Variants in KLF13 observed in about 807,000 individuals in gnomAD.
The protein encoded by KLF13 is Krueppel-like factor 13.
In KLF13, 8 loss-of-function variants were observed where a neutral mutation model predicts 16.7. The observed-to-expected ratio is 0.48, with a 90% CI of 0.28 to 0.87. The LOEUF is 0.87. Among genes scored for constraint, KLF13 ranks in the 40% least tolerant of loss-of-function variants. The pLI, the probability that KLF13 is intolerant of heterozygous loss-of-function variation, is 0.10. For missense variants in KLF13, 447 were observed against 452.2 expected (o/e 0.99, Z 0.10); for synonymous variants, 245 against 208.4 (o/e 1.18, Z -1.51).
chr15:31,331,683 C>T (rs1220723492), intron 1 of KLF13, among the ~76,000 whole-genome samples: 1 of 152,182 alleles, frequency 6.6e-6, no homozygotes, highest in Non-Finnish European at 1.5e-5. Context: ...CCCTCTCGTA[C>T]CCTCGCTGTC....
chr15:31,338,697 G>GTC (rs1241178803), intron 1 of KLF13, among the ~76,000 whole-genome samples: 3 of 152,156 alleles, frequency 2.0e-5, no homozygotes, highest in East Asian at 3.9e-4. Context: ...CTGCCCCCTG[G>GTC]TCTCTCTGCT....
chr15:31,351,678 C>T (rs2039219220), intron 1 of KLF13, among the ~76,000 whole-genome samples: 1 of 152,180 alleles, frequency 6.6e-6, no homozygotes, highest in Non-Finnish European at 1.5e-5. Flanking sequence ...AGGTATGCAC[C>T]CTGGCAGGGA....
intron 1 of KLF13, among the ~76,000 whole-genome samples, chr15:31,364,452 C>T (rs1355047873): frequency 6.6e-6 from 1 of 152,234 alleles, no homozygotes; most frequent in Non-Finnish European, 1.5e-5. Flanking sequence ...ACAGGGCACA[C>T]CTGCCCCCCA....
At position 31,327,124 on chromosome 15, in the gene KLF13, GC is replaced by G. The variant is rs1001498278; in HGVS notation, c.-83del. Reference sequence around the variant, plus strand: ...CGAGGAGAGGGCGCGCCGCGCCCCCGCCCCCCGCCCGCTCTCCCGAGGCCGT... The same window carrying G: ...CGAGGAGAGGGCGCGCCGCGCCCCCGCCCCCGCCCGCTCTCCCGAGGCCGT... On this transcript the variant is annotated 5_prime_UTR_variant, in exon 1 of 2. Transcript: ENST00000307145. 2.3e-5 allele frequency: 7 copies of G among 309,802 alleles called. No individual in the cohort carries two copies. The highest frequency in any genetic ancestry group is 2.9e-5 in the Non-Finnish European group (6 of 208,248). The allele number at this position is 309,802 out of a possible 1,614,324, so 19.2% of individuals were successfully genotyped here. A position where few individuals can be genotyped will look rare whatever the true frequency, so the allele number is the denominator to read the frequency against.
intron 1 of KLF13, among the ~76,000 whole-genome samples, chr15:31,353,858 AGAG>A (rs1361869350): frequency 2.6e-5 from 4 of 152,086 alleles, no homozygotes; most frequent in African/African-American, 7.2e-5. Context: ...CATGGGCCTC[AGAG>A]GAGAAGAGGA....
chr15:31,421,465 T>C (rs8042475), intron 1 of KLF13, among the ~76,000 whole-genome samples: 7,898 of 152,234 alleles, frequency 0.052, 750 homozygotes, highest in African/African-American at 0.18. Flanking sequence ...ACTTTGTTAA[T>C]GAACATAAAA....
In KLF13 at chr15:31,401,902, C is replaced by T. The variant is rs1160143000; in HGVS notation, n.530-1526C>T. On this transcript the variant is annotated intron_variant and non_coding_transcript_variant, in intron 2 of 2. Transcript: ENST00000500533. ...CTCAGAAGCCACATAGCATCACTTA[C>T]CTGGAGTGGCACGCAAGCCTGCCTA... Among the ~76,000 whole-genome samples, 3 of 152,212 alleles carry T rather than the reference C, an allele frequency of 2.0e-5. No homozygotes were observed. The East Asian group carries it at 5.8e-4, about 29-fold the overall frequency.
intron 1 of KLF13, among the ~76,000 whole-genome samples, chr15:31,338,531 G>A (rs1177776542): frequency 6.6e-6 from 1 of 152,196 alleles, no homozygotes; most frequent in East Asian, 1.9e-4. Context: ...TCACTTAAAG[G>A]CCGGTCTCTA....
intron 1 of KLF13, among the ~76,000 whole-genome samples, chr15:31,358,283 A>G (rs1299818692): frequency 2.6e-5 from 4 of 152,240 alleles, no homozygotes; most frequent in Admixed American, 1.3e-4. Flanking sequence ...CAGGTTGACT[A>G]TAGTACAGTT....
At chr15:31,360,071 A>C (rs1323914904) in intron 1 of KLF13, among the ~76,000 whole-genome samples, 4 of 152,176 alleles carry the variant, frequency 2.6e-5, no homozygotes, top group African/African-American at 9.7e-5. Context: ...GAGCTGTTGC[A>C]GAGGGGGTCA....
At chr15:31,408,847 G>A (rs1351944065), downstream of KLF13, among the ~76,000 whole-genome samples, 1 of 152,112 alleles carries the variant, frequency 6.6e-6, no homozygotes, top group Non-Finnish European at 1.5e-5. Flanking sequence ...GAATCAACTG[G>A]TGATACTAGA....
At chr15:31,349,948 C>G (rs1176741656) in intron 1 of KLF13, among the ~76,000 whole-genome samples, 1 of 152,232 alleles carries the variant, frequency 6.6e-6, no homozygotes, top group Non-Finnish European at 1.5e-5. Context: ...CTTGGCGGAA[C>G]CAAAAGTACT....
chr15:31,422,212 C>G (rs1199868055), intron 1 of KLF13, among the ~76,000 whole-genome samples: 2 of 151,782 alleles, frequency 1.3e-5, no homozygotes, highest in Non-Finnish European at 2.9e-5. Flanking sequence ...ACCTTAGATA[C>G]AAAGATACAT....
At chr15:31,329,923 C>G (rs2038797518) in intron 1 of KLF13, among the ~76,000 whole-genome samples, 1 of 152,122 alleles carries the variant, frequency 6.6e-6, no homozygotes, top group African/African-American at 2.4e-5. Context: ...CTAGTACACA[C>G]AGTTCCAGCG....
rs1555383326 is a variant in KLF13 at position 31,423,117 on chromosome 15, A to ATG, written n.118-12252_118-12251insGT. 1.4e-4 allele frequency among the ~76,000 whole-genome samples: 18 copies of ATG among 126,934 alleles called. 7 individuals carry two copies. The South Asian group carries it at 4.1e-3, about 29-fold the overall frequency. 83.3% of individuals were successfully genotyped at this position (126,934 alleles called of 152,430 possible). A position where few individuals can be genotyped will look rare whatever the true frequency, so the allele number is the denominator to read the frequency against. ...TATATATACGTATACGTATACGTAT[A>ATG]TATACGTATATATACGTATACGTAT... On this transcript the variant is annotated intron_variant and non_coding_transcript_variant, in intron 1 of 1. Coordinates refer to the KLF13 transcript ENST00000558225.
At chr15:31,395,048 C>T (rs912908469) in intron 2 of KLF13, among the ~76,000 whole-genome samples, 43 of 152,258 alleles carry the variant, frequency 2.8e-4, no homozygotes, top group African/African-American at 9.9e-4. Context: ...GAGGCAATCT[C>T]GGCTCACTGC....
At chr15:31,379,996 C>T (rs1353386433), downstream of KLF13, among the ~76,000 whole-genome samples, 1 of 152,184 alleles carries the variant, frequency 6.6e-6, no homozygotes, top group Non-Finnish European at 1.5e-5. Context: ...TGACATCTGC[C>T]CCTCTAAAGA....
At chr15:31,395,272 G>T (rs1324974904) in intron 2 of KLF13, among the ~76,000 whole-genome samples, 2 of 152,274 alleles carry the variant, frequency 1.3e-5, no homozygotes, top group East Asian at 3.9e-4. Flanking sequence ...GAGCCACTGT[G>T]CCCGGCCCCT....
At chr15:31,395,096 C>T (rs553484634) in intron 2 of KLF13, among the ~76,000 whole-genome samples, 1 of 152,198 alleles carries the variant, frequency 6.6e-6, no homozygotes, top group Non-Finnish European at 1.5e-5. Flanking sequence ...TCTCCTGTCT[C>T]AGCCTCCTGA....
Sources: allele counts gnomAD v4.1 joint callset (sites outside exome capture counted in the v4.1 genomes callset), GRCh38; gene constraint gnomAD v4.1.1; transcripts MANE v1.5; gene names NCBI Gene and HGNC (gene_info 2026-07-23, HGNC 2026-07-21).